The following PICALM variants were observed in gnomAD, a reference collection of about 807,000 sequenced individuals.
PICALM encodes phosphatidylinositol-binding clathrin assembly protein.
A neutral mutation model predicts 80.5 loss-of-function variants in PICALM; 40 were observed. The ratio of observed to expected loss-of-function variants is 0.50; its 90% CI spans 0.39 to 0.65. The LOEUF (loss-of-function observed/expected upper bound fraction) is 0.65, where lower values mean the gene tolerates loss of function less well. PICALM is among the 30% of genes least tolerant of loss of function. The pLI, the probability that PICALM is intolerant of heterozygous loss-of-function variation, is 0.00. For missense variants in PICALM, 676 were observed against 778.9 expected (o/e 0.87, Z 1.57); for synonymous variants, 288 against 260.3 (o/e 1.11, Z -1.02).
intron 1 of PICALM, among the ~76,000 whole-genome samples, chr11:86,060,411 T>A (rs1050924419): frequency 1.3e-5 from 2 of 152,228 alleles, no homozygotes; most frequent in Non-Finnish European, 2.9e-5. Context: ...GGCAAAACTC[T>A]ATTTTGTGGT....
chr11:85,979,316 C>A (rs1026767261), intron 17 of PICALM, among the ~76,000 whole-genome samples: 1 of 151,854 alleles, frequency 6.6e-6, no homozygotes, highest in Non-Finnish European at 1.5e-5. Context: ...ATAATAAAAC[C>A]CAGTCTCTAC....
rs1312653548 is a variant in PICALM at position 86,015,025 on chromosome 11, T to TCC, written c.453-64_453-63dup. On this transcript the variant is annotated intron_variant, in intron 4 of 19. Transcript: ENST00000393346. ...CTGCAATTAAATCTACATTTCAAAC[T>TCC]CCCCCCCTGGTTTTCTACTAAAACA... 9 of 969,618 alleles carry TCC rather than the reference T, an allele frequency of 9.3e-6. No homozygotes were observed. In the East Asian group the frequency reaches 1.6e-4, roughly 17 times the overall value. The allele number at this position is 969,618 out of a possible 1,614,324, so 60.1% of individuals were successfully genotyped here. A position where few individuals can be genotyped will look rare whatever the true frequency, so the allele number is the denominator to read the frequency against.
chr11:86,069,501 C>G (rs921585216), upstream of PICALM: 1 of 152,410 alleles, frequency 6.6e-6, no homozygotes, highest in Non-Finnish European at 1.5e-5. Context: ...AACAGCTTGA[C>G]AAAGGAGGTG....
intron 1 of PICALM, among the ~76,000 whole-genome samples, chr11:86,068,275 C>A (rs1024474854): frequency 2.0e-5 from 3 of 152,014 alleles, no homozygotes; most frequent in South Asian, 4.1e-4. Flanking sequence ...CAGACGAGGG[C>A]GACGAGGCGG....
chr11:86,042,400 A>C (rs1240633512), intron 1 of PICALM, among the ~76,000 whole-genome samples: 1 of 152,178 alleles, frequency 6.6e-6, no homozygotes, highest in East Asian at 1.9e-4. Flanking sequence ...AAGAATTAAA[A>C]ATTTTATTTA....
intron 14 of PICALM, 32 bp downstream of exon 14, chr11:85,983,834 A>T: frequency 1.2e-6 from 1 of 864,658 alleles, no homozygotes; most frequent in Non-Finnish European, 1.9e-6. Flanking sequence ...TTAGGACATT[A>T]TAATATTTTT....
chr11:86,039,044 G>C (rs533038837), intron 1 of PICALM, among the ~76,000 whole-genome samples: 106 of 151,652 alleles, frequency 7.0e-4, no homozygotes, highest in African/African-American at 2.5e-3. Context: ...CTGGGAGGCA[G>C]AGGTTGTGGT....
intron 12 of PICALM, 102 bp from the exon 13 acceptor site, chr11:85,990,501 ATTGT>A (rs778012650): frequency 3.8e-5 from 21 of 549,182 alleles, no homozygotes; most frequent in Admixed American, 7.8e-5. Context: ...TAACTATATT[ATTGT>A]TTATTAATCT....
chr11:86,068,658 G>C lies in PICALM; in HGVS notation c.123C>G (p.His41Gln). The C allele has an allele frequency of 6.2e-7, 1 of 1,612,706 alleles. No homozygotes were observed. Among genetic ancestry groups the C allele is most frequent in the Non-Finnish European group, 8.5e-7 (1 of 1,179,488 alleles). Reference sequence around the variant, plus strand: ...GCGGTCGGCTTCACTCACAGTCCAGGTGCTTTTTCTTGGGCCCCATGATCT... The same window carrying C: ...GCGGTCGGCTTCACTCACAGTCCAGCTGCTTTTTCTTGGGCCCCATGATCT... ...THEIMGPKKK[H>Q]LDYLIQCTNE... Residue 41 changes from histidine to glutamine, a missense_variant, in exon 1 of 20, where the codon CAC becomes CAG. Around this residue, in one of 2 missense-constraint regions of PICALM, gnomAD observed 285 missense variants for 395.4 expected, o/e 0.72. Transcript: ENST00000393346.
chr11:85,992,361 T>G (rs2094810052), intron 12 of PICALM, among the ~76,000 whole-genome samples: 1 of 151,760 alleles, frequency 6.6e-6, no homozygotes, highest in African/African-American at 2.4e-5. Context: ...CTCAGCTCAT[T>G]GCAACTTCCG....
At chr11:86,047,485 AAAG>A (rs1385811973) in intron 1 of PICALM, among the ~76,000 whole-genome samples, 1 of 152,254 alleles carries the variant, frequency 6.6e-6, no homozygotes, top group Non-Finnish European at 1.5e-5. Flanking sequence ...AAGCAAGTTT[AAAG>A]AAGCCAAGAA....
chr11:86,053,715 G>C (rs2096227975), intron 1 of PICALM, among the ~76,000 whole-genome samples: 1 of 152,044 alleles, frequency 6.6e-6, no homozygotes, highest in Non-Finnish European at 1.5e-5. Context: ...CTACAGGTGT[G>C]TGCCACCATG....
intron 11 of PICALM, among the ~76,000 whole-genome samples, chr11:85,999,518 T>C (rs900572817): frequency 6.6e-6 from 1 of 152,358 alleles, no homozygotes; most frequent in East Asian, 1.9e-4. Context: ...GGGTCAATGT[T>C]ACTTAACTGG....
At chr11:85,991,235 T>C (rs548166401) in intron 12 of PICALM, among the ~76,000 whole-genome samples, 1 of 151,996 alleles carries the variant, frequency 6.6e-6, no homozygotes, top group Non-Finnish European at 1.5e-5. Context: ...AAAGAAAAAA[T>C]AAAAAGCAGC....
chr11:85,996,558 T>C (rs976677774), intron 12 of PICALM, among the ~76,000 whole-genome samples: 11 of 152,120 alleles, frequency 7.2e-5, no homozygotes, highest in African/African-American at 2.7e-4. Flanking sequence ...AAAAGAATAA[T>C]CTCATAGTTA....
chr11:86,044,913 G>A (rs1463252226), intron 1 of PICALM, among the ~76,000 whole-genome samples: 1 of 152,186 alleles, frequency 6.6e-6, no homozygotes, highest in East Asian at 1.9e-4. Flanking sequence ...GCCAGTCTGT[G>A]GAAAAACTGT....
chr11:85,984,129 C>T (rs534098414), intron 13 of PICALM, among the ~76,000 whole-genome samples, 156 bp from the exon 14 acceptor site: 16 of 152,252 alleles, frequency 1.1e-4, no homozygotes, highest in East Asian at 1.9e-4. Context: ...TCACATTTTT[C>T]GCAGTGATTG....
Position 86,011,880 on chromosome 11 carries a change from C to T in PICALM, c.658+401G>A, listed in dbSNP as rs541171635. ...TTTTTTTTTTTTTGAAACTGAGTTT[C>T]GCTCTTGTTGCCCAGGCTGGAGTAC... On this transcript the variant is annotated intron_variant, in intron 6 of 19. Coordinates refer to ENST00000393346, the MANE Select transcript of PICALM (RefSeq NM_007166.4). 5.4e-3 allele frequency among the ~76,000 whole-genome samples: 646 copies of T among 120,418 alleles called. 4 individuals carry two copies. The highest frequency in any genetic ancestry group is 0.018 in the African/African-American group (606 of 32,944). 79.0% of individuals were successfully genotyped at this position (120,418 alleles called of 152,430 possible).
At chr11:85,983,369 T>C (rs1414294243) in intron 14 of PICALM, among the ~76,000 whole-genome samples, 1 of 152,176 alleles carries the variant, frequency 6.6e-6, no homozygotes, top group Non-Finnish European at 1.5e-5. Flanking sequence ...TAAGAATCAT[T>C]CATAAAACAA....
Sources: gnomAD v4.1 joint callset for allele counts (sites outside exome capture counted in the v4.1 genomes callset) on GRCh38, gnomAD v4.1.1 for gene constraint, gnomAD v4.1.1 regional missense constraint, MANE v1.5 for transcripts, NCBI Gene and HGNC (gene_info 2026-07-23, HGNC 2026-07-21) for gene names.